The following DLGAP2 variants were observed in gnomAD, a reference collection of about 807,000 sequenced individuals.
DLGAP2 encodes DLG associated protein 2, also known as disks large-associated protein 2.
A neutral mutation model predicts 100.3 loss-of-function variants in DLGAP2; 26 were observed. That is an observed-to-expected ratio of 0.26 (90% CI 0.19 to 0.36). The LOEUF is 0.36. Among genes scored for constraint, DLGAP2 ranks in the 10% least tolerant of loss-of-function variants. The pLI, the probability that DLGAP2 is intolerant of heterozygous loss-of-function variation, is 1.00. For missense variants in DLGAP2, 1,858 were observed against 1,453.2 expected (o/e 1.28, Z -4.53); for synonymous variants, 886 against 630.1 (o/e 1.41, Z -6.08).
At chr8:1,217,706 C>G (rs1410108693) in intron 2 of DLGAP2, among the ~76,000 whole-genome samples, 1 of 152,036 alleles carries the variant, frequency 6.6e-6, no homozygotes, top group Non-Finnish European at 1.5e-5. Context: ...AGTGGCTGAA[C>G]TAATTTATAT....
Position 1,028,226 on chromosome 8 carries a change from C to T in DLGAP2, c.73+120260C>T, listed in dbSNP as rs555894458. 2.7e-3 allele frequency among the ~76,000 whole-genome samples: 364 copies of T among 132,766 alleles called. 2 individuals are homozygous for T. Among genetic ancestry groups the T allele is most frequent in the Middle Eastern group, 9.7e-3 (2 of 206 alleles). The allele number at this position is 132,766 out of a possible 152,430, so 87.1% of individuals were successfully genotyped here. A position where few individuals can be genotyped will look rare whatever the true frequency, so the allele number is the denominator to read the frequency against. ...ATTATTCTCCAGGTGGGGTGTCAGG[C>T]GCCCGTTATTCTCCAGGTGGGGTGT... On this transcript the variant is annotated intron_variant, in intron 2 of 14. Coordinates refer to ENST00000637795, the MANE Select transcript of DLGAP2 (RefSeq NM_001346810.2).
intron 2 of DLGAP2, among the ~76,000 whole-genome samples, chr8:1,088,067 A>G (rs1461268476): frequency 6.6e-6 from 1 of 152,118 alleles, no homozygotes; most frequent in Non-Finnish European, 1.5e-5. Context: ...GCCAAAATGG[A>G]TTTCTCCAGC....
intron 1 of DLGAP2, among the ~76,000 whole-genome samples, chr8:856,883 G>A (rs1249038058): frequency 6.6e-6 from 1 of 152,152 alleles, no homozygotes; most frequent in Non-Finnish European, 1.5e-5. Flanking sequence ...GATCCTAAAG[G>A]TTACATGAAG....
chr8:1,068,195 G>C (rs879870508), intron 2 of DLGAP2, among the ~76,000 whole-genome samples: 1 of 152,158 alleles, frequency 6.6e-6, no homozygotes, highest in Non-Finnish European at 1.5e-5. Flanking sequence ...TAGTTTATCT[G>C]TTCCCTTATG....
chr8:861,810 G>A (rs567478172), intron 1 of DLGAP2, among the ~76,000 whole-genome samples: 1 of 152,370 alleles, frequency 6.6e-6, no homozygotes, highest in African/African-American at 2.4e-5. Flanking sequence ...CGGTGGAAAT[G>A]TGTTTGCTGG....
chr8:1,215,122 C>G (rs996168291), intron 2 of DLGAP2, among the ~76,000 whole-genome samples: 5 of 151,932 alleles, frequency 3.3e-5, no homozygotes, highest in African/African-American at 9.7e-5. Context: ...GGGGCACTAA[C>G]AAAAATATGG....
At chr8:1,390,884 G>A (rs1344501306) in intron 3 of DLGAP2, among the ~76,000 whole-genome samples, 2 of 152,186 alleles carry the variant, frequency 1.3e-5, no homozygotes, top group African/African-American at 4.8e-5. Context: ...CAGCATCACC[G>A]TCCTCATAAA....
chr8:887,878 TA>T (rs1282733198), intron 1 of DLGAP2, among the ~76,000 whole-genome samples: 1 of 152,192 alleles, frequency 6.6e-6, no homozygotes, highest in African/African-American at 2.4e-5. Context: ...TGGAGCATCT[TA>T]ATGGTGTTCT....
At chr8:1,347,459 A>T (rs114976969) in intron 3 of DLGAP2, among the ~76,000 whole-genome samples, 1,875 of 151,586 alleles carry the variant, frequency 0.012, 58 homozygotes, top group African/African-American at 0.044. Flanking sequence ...TTGAGTTCCC[A>T]TACAGAGCTG....
chr8:1,018,589 G>C (rs977835176), intron 2 of DLGAP2, among the ~76,000 whole-genome samples: 1 of 152,204 alleles, frequency 6.6e-6, no homozygotes, highest in Admixed American at 6.5e-5. Flanking sequence ...AGCACACATT[G>C]CTCTTGGCAG....
chr8:1,098,184 G>A (rs935165359), intron 2 of DLGAP2, among the ~76,000 whole-genome samples: 1 of 152,256 alleles, frequency 6.6e-6, no homozygotes, highest in Non-Finnish European at 1.5e-5. Flanking sequence ...GAGCTGGACT[G>A]AGTCCCGGCG....
intron 1 of DLGAP2, among the ~76,000 whole-genome samples, chr8:811,898 C>T (rs1367992021): frequency 6.6e-6 from 1 of 152,240 alleles, no homozygotes; most frequent in African/African-American, 2.4e-5. Context: ...TTCCTGGGAG[C>T]CAGTAAGTTG....
At position 998,810 on chromosome 8, in the gene DLGAP2, C is replaced by T. The variant is rs185757647; in HGVS notation, c.73+90844C>T. 4.6e-3 allele frequency among the ~76,000 whole-genome samples: 699 copies of T among 152,268 alleles called. 3 individuals are homozygous for T. The highest frequency in any genetic ancestry group is 7.9e-3 in the Non-Finnish European group (539 of 68,024). Reference sequence around the variant, plus strand: ...GAGCTTGAATATACTGTTTCACTGTCCTCATAACAGCAGTCTTTATACTGT... The same window carrying T: ...GAGCTTGAATATACTGTTTCACTGTTCTCATAACAGCAGTCTTTATACTGT... On this transcript the variant is annotated intron_variant, in intron 2 of 14. Coordinates refer to ENST00000637795, the MANE Select transcript of DLGAP2 (RefSeq NM_001346810.2).
At chr8:777,661 G>C (rs908021983) in intron 1 of DLGAP2, among the ~76,000 whole-genome samples, 1 of 152,106 alleles carries the variant, frequency 6.6e-6, no homozygotes, top group African/African-American at 2.4e-5. Context: ...TTTTCTTTGA[G>C]AATGTTGAAT....
intron 2 of DLGAP2, among the ~76,000 whole-genome samples, chr8:1,157,146 G>C (rs1049719430): frequency 3.3e-5 from 5 of 152,222 alleles, no homozygotes; most frequent in Admixed American, 6.5e-5. Flanking sequence ...GGATTTACTG[G>C]TGACCGCGGG....
At chr8:1,289,308 G>A (rs534781540) in intron 3 of DLGAP2, among the ~76,000 whole-genome samples, 2 of 152,330 alleles carry the variant, frequency 1.3e-5, no homozygotes, top group South Asian at 2.1e-4. Flanking sequence ...GACCAAATTG[G>A]AGGAAATGAA....
intron 3 of DLGAP2, among the ~76,000 whole-genome samples, chr8:1,447,641 G>A (rs58509786): frequency 6.6e-6 from 1 of 152,202 alleles, no homozygotes; most frequent in Non-Finnish European, 1.5e-5. Flanking sequence ...CTATTGATTG[G>A]AATAGTTTCA....
In DLGAP2 at chr8:1,179,730, C is replaced by G. The variant is rs565930688; in HGVS notation, c.74-79121C>G. ...GCCACCTTAATATACAGTTACACAG[C>G]TATAATATTTTTATGAAATATAAAT... On this transcript the variant is annotated intron_variant, in intron 2 of 14. Coordinates refer to ENST00000637795, the MANE Select transcript of DLGAP2 (RefSeq NM_001346810.2). 1.7e-3 allele frequency among the ~76,000 whole-genome samples: 255 copies of G among 152,252 alleles called. 1 individual carries two copies. Among genetic ancestry groups the G allele is most frequent in the African/African-American group, 6.0e-3 (248 of 41,536 alleles).
chr8:1,184,660 C>G (rs543473293), intron 2 of DLGAP2, among the ~76,000 whole-genome samples: 2 of 152,132 alleles, frequency 1.3e-5, no homozygotes, highest in African/African-American at 2.4e-5. Flanking sequence ...AGGCAGCACC[C>G]TCGGAGTTTG....
Sources: gnomAD v4.1 joint callset for allele counts (sites outside exome capture counted in the v4.1 genomes callset) on GRCh38, gnomAD v4.1.1 for gene constraint, MANE v1.5 for transcripts, NCBI Gene and HGNC (gene_info 2026-07-23, HGNC 2026-07-21) for gene names.